The following SGCD variants were observed in gnomAD, a reference collection of about 807,000 sequenced individuals.
The protein encoded by SGCD is delta-sarcoglycan.
A neutral mutation model predicts 36.6 loss-of-function variants in SGCD; 18 were observed. That is an observed-to-expected ratio of 0.49 (90% CI 0.34 to 0.73). SGCD has a LOEUF of 0.73. Among genes scored for constraint, SGCD ranks in the 30% least tolerant of loss-of-function variants. The pLI, the probability that SGCD is intolerant of heterozygous loss-of-function variation, is 0.01. For synonymous variants in SGCD, 133 were observed against 130.6 expected (o/e 1.02, Z -0.12); for missense variants, 387 against 346.7 (o/e 1.12, Z -0.92).
chr5:156,003,535 G>A (rs1758702831), intron 1 of SGCD, among the ~76,000 whole-genome samples: 1 of 152,160 alleles, frequency 6.6e-6, no homozygotes. Flanking sequence ...AGTCACCAGT[G>A]GCAATGGAAA....
chr5:155,899,257 A>G (rs1756333429), intron 1 of SGCD, among the ~76,000 whole-genome samples: 1 of 152,234 alleles, frequency 6.6e-6, no homozygotes, highest in South Asian at 2.1e-4. Context: ...GAGGAAAACC[A>G]TCACAGCTTT....
chr5:156,224,509 A>T (rs1264414978), intron 3 of SGCD, among the ~76,000 whole-genome samples: 1 of 152,152 alleles, frequency 6.6e-6, no homozygotes, highest in Non-Finnish European at 1.5e-5. Flanking sequence ...CTCTAAAGAG[A>T]TTTGTTTCCA....
rs528083349 is a variant in SGCD at position 156,360,663 on chromosome 5, G to T, written c.192+15986G>T. ...AAGACTCCAGACTCAGTCAGTAGAG[G>T]GGGAGATGGCCAGACTTTGAGGAGA... On this transcript the variant is annotated intron_variant, in intron 3 of 8. Transcript: ENST00000337851. 2.8e-3 allele frequency among the ~76,000 whole-genome samples: 423 copies of T among 152,122 alleles called. 1 individual carries two copies. Among genetic ancestry groups the T allele is most frequent in the African/African-American group, 9.9e-3 (413 of 41,514 alleles).
At chr5:156,334,609 CTTTTTT>C (rs35767339) in intron 2 of SGCD, among the ~76,000 whole-genome samples, 4 of 105,064 alleles carry the variant, frequency 3.8e-5, no homozygotes, top group African/African-American at 1.1e-4. Context: ...GGTCTATTTT[CTTTTTT>C]TTTTTTTTTT....
chr5:156,756,924 T>C (rs1437083693), intron 7 of SGCD, among the ~76,000 whole-genome samples: 1 of 152,196 alleles, frequency 6.6e-6, no homozygotes, highest in Non-Finnish European at 1.5e-5. Flanking sequence ...GGCTTTCTTA[T>C]GATTGGTTGG....
In SGCD at chr5:156,508,463, T is replaced by G. The variant is rs114402473; in HGVS notation, c.193-138T>G. 2.9e-3 allele frequency: 1,802 copies of G among 611,826 alleles called. 21 individuals carry two copies. The African/African-American group carries it at 0.03, about 10-fold the overall frequency. 37.9% of individuals were successfully genotyped at this position (611,826 alleles called of 1,614,324 possible). A position where few individuals can be genotyped will look rare whatever the true frequency, so the allele number is the denominator to read the frequency against. ...ACAATACCTCCTAATATTTTACATG[T>G]TTTTTGAATACCCGTCCTCATTCCA... On this transcript the variant is annotated intron_variant, in intron 3 of 8. Coordinates refer to ENST00000337851, the MANE Select transcript of SGCD (RefSeq NM_000337.6).
chr5:156,315,256 T>G (rs1044154510), intron 3 of SGCD, among the ~76,000 whole-genome samples: 12 of 100,128 alleles, frequency 1.2e-4, no homozygotes, highest in Non-Finnish European at 1.7e-4. Flanking sequence ...CTCTGTTACT[T>G]TGAGTCTGAT....
chr5:156,104,276 A>G (rs1030761906), intron 1 of SGCD, among the ~76,000 whole-genome samples: 3 of 152,204 alleles, frequency 2.0e-5, no homozygotes, highest in African/African-American at 7.2e-5. Flanking sequence ...GGTGTAAGAC[A>G]GTCTTACTCT....
intron 2 of SGCD, among the ~76,000 whole-genome samples, 195 bp from the exon 3 acceptor site, chr5:156,344,294 A>T (rs1768825172): frequency 6.6e-6 from 1 of 152,190 alleles, no homozygotes; most frequent in Non-Finnish European, 1.5e-5. Context: ...GCTGTGTTAA[A>T]TGAGAAGCCT....
chr5:155,833,157 G>T, the SGCD span, among the ~76,000 whole-genome samples: 2 of 151,970 alleles, frequency 1.3e-5, no homozygotes, highest in Non-Finnish European at 2.9e-5. Context: ...TTGAACCTGG[G>T]AGATGGAGAT....
the SGCD span, among the ~76,000 whole-genome samples, chr5:155,794,621 C>A: frequency 6.6e-6 from 1 of 152,080 alleles, no homozygotes; most frequent in South Asian, 2.1e-4. Context: ...TTAGTAGAAC[C>A]TATCCACCTG....
At chr5:155,778,465 C>T in the SGCD span, among the ~76,000 whole-genome samples, 57 of 152,290 alleles carry the variant, frequency 3.7e-4, 1 homozygote, top group East Asian at 8.5e-3. Context: ...AACTTAGCCA[C>T]TTTTGTCCCC....
chr5:155,814,476 C>A, the SGCD span, among the ~76,000 whole-genome samples: 5 of 152,144 alleles, frequency 3.3e-5, no homozygotes, highest in Admixed American at 6.6e-5. Context: ...TGGTTAATTT[C>A]TATTTCCTGT....
At chr5:155,985,789 C>T (rs1298250014) in intron 1 of SGCD, among the ~76,000 whole-genome samples, 1 of 152,196 alleles carries the variant, frequency 6.6e-6, no homozygotes. Context: ...TGAGTGATAG[C>T]AGTTCACATT....
chr5:156,183,757 G>A (rs1422106215), intron 3 of SGCD, among the ~76,000 whole-genome samples: 1 of 152,146 alleles, frequency 6.6e-6, no homozygotes, highest in Non-Finnish European at 1.5e-5. Flanking sequence ...AATTAAAAAT[G>A]TGATGGAACT....
At chr5:156,741,457 C>T (rs1349622199) in intron 7 of SGCD, among the ~76,000 whole-genome samples, 2 of 152,184 alleles carry the variant, frequency 1.3e-5, no homozygotes, top group Admixed American at 1.3e-4. Context: ...CCATGTTTCA[C>T]AGGTACATTA....
chr5:156,383,924 G>A (rs890158324), intron 3 of SGCD, among the ~76,000 whole-genome samples: 2 of 152,226 alleles, frequency 1.3e-5, no homozygotes, highest in South Asian at 4.1e-4. Flanking sequence ...AATATGGCAA[G>A]AGACTCTGTG....
chr5:155,965,378 G>A (rs1381541115), intron 1 of SGCD, among the ~76,000 whole-genome samples: 1 of 152,066 alleles, frequency 6.6e-6, no homozygotes, highest in East Asian at 1.9e-4. Context: ...TCCTTTCTAA[G>A]TATTGTCTTT....
At chr5:155,880,933 C>T (rs939780071) in intron 1 of SGCD, among the ~76,000 whole-genome samples, 4 of 152,040 alleles carry the variant, frequency 2.6e-5, no homozygotes, top group South Asian at 4.1e-4. Flanking sequence ...CAGAAAAATG[C>T]TTCTTTTTCT....
Sources: gnomAD v4.1 joint callset for allele counts (sites outside exome capture counted in the v4.1 genomes callset) on GRCh38, gnomAD v4.1.1 for gene constraint, MANE v1.5 for transcripts, NCBI Gene and HGNC (gene_info 2026-07-23, HGNC 2026-07-21) for gene names.